Variants in CDKAL1 observed in about 807,000 individuals in gnomAD.
CDKAL1 encodes the protein CDKAL1 threonylcarbamoyladenosine tRNA methylthiotransferase.
Under a neutral mutation model 68.2 loss-of-function variants are expected in CDKAL1, and 32 were observed. That is an observed-to-expected ratio of 0.47 (90% CI 0.35 to 0.63). The LOEUF (loss-of-function observed/expected upper bound fraction) is 0.63. Ranked by LOEUF, CDKAL1 falls within the 30% of genes least tolerant of loss-of-function variation. CDKAL1 has a pLI of 0.00. For synonymous variants in CDKAL1, 234 were observed against 244.3 expected, an observed-to-expected ratio of 0.96 and a Z score of 0.39; for missense variants, 606 against 696.7, an observed-to-expected ratio of 0.87 and a Z score of 1.47.
intron 11 of CDKAL1, among the ~76,000 whole-genome samples, chr6:21,007,663 A>G (rs1190239868): frequency 6.6e-6 from 1 of 152,194 alleles, no homozygotes; most frequent in African/African-American, 2.4e-5. Flanking sequence ...AAGTATACCG[A>G]TAATACTTAA....
chr6:20,915,037 T>C (rs192666630), intron 9 of CDKAL1, among the ~76,000 whole-genome samples: 4 of 152,252 alleles, frequency 2.6e-5, no homozygotes, highest in Non-Finnish European at 5.9e-5. Flanking sequence ...AAGATGTTCT[T>C]ATATCGTATT....
intron 8 of CDKAL1, among the ~76,000 whole-genome samples, chr6:20,813,864 T>A (rs1227463448): frequency 6.6e-6 from 1 of 152,172 alleles, no homozygotes; most frequent in African/African-American, 2.4e-5. Context: ...ATGTAAGTCT[T>A]CTAACTTCAT....
At chr6:21,080,436 G>A (rs1024686603) in intron 12 of CDKAL1, among the ~76,000 whole-genome samples, 1 of 152,172 alleles carries the variant, frequency 6.6e-6, no homozygotes, top group Non-Finnish European at 1.5e-5. Flanking sequence ...TCCTCCCAGG[G>A]ACCTGCACAA....
intron 5 of CDKAL1, among the ~76,000 whole-genome samples, chr6:20,710,562 G>A (rs953274427): frequency 1.3e-5 from 2 of 152,180 alleles, no homozygotes; most frequent in African/African-American, 4.8e-5. Flanking sequence ...ATGACTGTAT[G>A]TAAAAATCAG....
At chr6:20,585,332 G>T (rs111748595) in intron 4 of CDKAL1, among the ~76,000 whole-genome samples, 1 of 152,118 alleles carries the variant, frequency 6.6e-6, no homozygotes, top group African/African-American at 2.4e-5. Flanking sequence ...GATTACAGGC[G>T]TGAGCCACTG....
chr6:20,805,077 C>T lies in CDKAL1; in HGVS notation c.638+23812C>T, dbSNP rs368193365. On this transcript the variant is annotated intron_variant, in intron 8 of 15. Coordinates refer to ENST00000274695, the MANE Select transcript of CDKAL1 (RefSeq NM_017774.3). ...CCTGGGATTCTGAGTCTCTAATGAC[C>T]TGCTCTAGGTAGAAAGATCATGTAT... Among the ~76,000 whole-genome samples, 14 of 152,240 alleles carry T rather than the reference C, an allele frequency of 9.2e-5. 2 individuals are homozygous for T. Among genetic ancestry groups the T allele is most frequent in the Admixed American group, 4.6e-4 (7 of 15,280 alleles).
chr6:21,156,158 C>T (rs980309535), intron 13 of CDKAL1, among the ~76,000 whole-genome samples: 12 of 152,068 alleles, frequency 7.9e-5, no homozygotes, highest in Admixed American at 6.6e-5. Flanking sequence ...TGGTGGCTCA[C>T]ACCTGTAATC....
chr6:20,592,567 C>T (rs1489439869), intron 4 of CDKAL1, among the ~76,000 whole-genome samples: 24 of 151,118 alleles, frequency 1.6e-4, no homozygotes, highest in Admixed American at 1.5e-3. Flanking sequence ...CTCCTGGGTT[C>T]AAGCGATTCT....
chr6:20,913,009 AAAC>A (rs747713264), intron 9 of CDKAL1, among the ~76,000 whole-genome samples: 10 of 152,158 alleles, frequency 6.6e-5, no homozygotes, highest in Non-Finnish European at 1.3e-4. Flanking sequence ...AAAAAAAAGA[AAAC>A]AAAAAAAAGT....
At chr6:20,946,363 G>A (rs556424948) in intron 9 of CDKAL1, among the ~76,000 whole-genome samples, 2 of 152,270 alleles carry the variant, frequency 1.3e-5, no homozygotes, top group South Asian at 4.1e-4. Context: ...GCATGGCTTA[G>A]TACCTTGATT....
chr6:20,852,654 G>A (rs1172835687), intron 9 of CDKAL1, among the ~76,000 whole-genome samples: 3 of 152,190 alleles, frequency 2.0e-5, no homozygotes, highest in African/African-American at 4.8e-5. Flanking sequence ...GGGACTGTTA[G>A]TTTAGACTAT....
At chr6:20,973,219 T>C (rs143331588) in intron 10 of CDKAL1, among the ~76,000 whole-genome samples, 158 of 152,360 alleles carry the variant, frequency 1.0e-3, no homozygotes, top group African/African-American at 3.8e-3. Flanking sequence ...AGTTATCAGC[T>C]ATAATTATTA....
chr6:20,736,517 T>A (rs1380395606), intron 5 of CDKAL1, among the ~76,000 whole-genome samples: 3 of 152,200 alleles, frequency 2.0e-5, no homozygotes, highest in Non-Finnish European at 2.9e-5. Flanking sequence ...ACGCCTGTAA[T>A]CCCAGCACTT....
chr6:20,837,938 TGTG>T (rs1778017552), intron 8 of CDKAL1, among the ~76,000 whole-genome samples: 1 of 5,714 alleles, frequency 1.8e-4, no homozygotes, highest in Non-Finnish European at 9.8e-4. Flanking sequence ...GGGAAGAAAT[TGTG>T]TGTGTGTGTG....
At chr6:21,058,773 C>T (rs535806437) in intron 11 of CDKAL1, among the ~76,000 whole-genome samples, 2 of 152,342 alleles carry the variant, frequency 1.3e-5, no homozygotes, top group South Asian at 2.1e-4. Flanking sequence ...AAGATGGCTG[C>T]CTGCTCCTTC....
intron 8 of CDKAL1, among the ~76,000 whole-genome samples, chr6:20,789,699 C>T (rs559616515): frequency 6.6e-6 from 1 of 152,048 alleles, no homozygotes; most frequent in African/African-American, 2.4e-5. Context: ...GGATAAAAAG[C>T]AAAAATTTAA....
At chr6:21,102,584 A>C (rs1158863842) in intron 12 of CDKAL1, among the ~76,000 whole-genome samples, 1 of 151,960 alleles carries the variant, frequency 6.6e-6, no homozygotes, top group East Asian at 1.9e-4. Context: ...TGTTGTTTTC[A>C]TCTTGCACCT....
intron 9 of CDKAL1, among the ~76,000 whole-genome samples, chr6:20,896,787 C>T (rs1226748927): frequency 2.6e-5 from 4 of 152,064 alleles, no homozygotes; most frequent in African/African-American, 9.7e-5. Context: ...GAGGGATCAC[C>T]GAGATGAAAG....
chr6:20,732,144 C>T (rs1489597362), intron 5 of CDKAL1, among the ~76,000 whole-genome samples: 1 of 151,822 alleles, frequency 6.6e-6, no homozygotes, highest in Non-Finnish European at 1.5e-5. Context: ...CTTCTGGGCT[C>T]AAACTCTCCT....
Sources: gnomAD v4.1 joint callset for allele counts (sites outside exome capture counted in the v4.1 genomes callset) on GRCh38, gnomAD v4.1.1 for gene constraint, MANE v1.5 for transcripts, NCBI Gene and HGNC (gene_info 2026-07-23, HGNC 2026-07-21) for gene names.